ERG: variants seen among roughly 807,000 people sequenced by gnomAD.
The protein encoded by ERG is transcriptional regulator ERG.
ERG carries 9 observed loss-of-function variants against 55.3 expected under a neutral mutation model. The observed-to-expected ratio is 0.16, with a 90% CI of 0.10 to 0.28. The LOEUF is 0.28. Among genes scored for constraint, ERG ranks in the 10% least tolerant of loss-of-function variants. The pLI is 1.00. For synonymous variants in ERG, 223 were observed against 237.3 expected (o/e 0.94, Z 0.55); for missense variants, 434 against 631.6 (o/e 0.69, Z 3.35).
At chr21:38,406,377 T>G (rs2146463409) in intron 3 of ERG, among the ~76,000 whole-genome samples, 1 of 152,332 alleles carries the variant, frequency 6.6e-6, no homozygotes, top group South Asian at 2.1e-4. Flanking sequence ...GAAGTTCAGA[T>G]GACTCTTCGT....
At chr21:38,627,167 G>T (rs2060329984) in intron 1 of ERG, among the ~76,000 whole-genome samples, 1 of 151,980 alleles carries the variant, frequency 6.6e-6, no homozygotes, top group Admixed American at 6.6e-5. Context: ...AATATTTCAT[G>T]TCTAAAAATG....
At chr21:38,639,377 A>T (rs75709675) in intron 1 of ERG, among the ~76,000 whole-genome samples, 1 of 151,258 alleles carries the variant, frequency 6.6e-6, no homozygotes, top group Non-Finnish European at 1.5e-5. Context: ...AAAAAAAAAA[A>T]CTATCATTAA....
At chr21:38,575,711 A>T (rs770520811) in exon 2 of ERG, 1 of 1,614,078 alleles carries the variant, frequency 6.2e-7, no homozygotes, top group Non-Finnish European at 8.5e-7. Context: ...GTCCTTCAGT[A>T]AGCCAGCCCA....
intron 1 of ERG, among the ~76,000 whole-genome samples, chr21:38,579,508 C>A (rs2060014889): frequency 6.6e-6 from 1 of 152,166 alleles, no homozygotes; most frequent in Non-Finnish European, 1.5e-5. Flanking sequence ...AGAGCTGATT[C>A]ATGCAGAGAC....
At chr21:38,519,897 T>C (rs545361548) in intron 2 of ERG, among the ~76,000 whole-genome samples, 1 of 152,224 alleles carries the variant, frequency 6.6e-6, no homozygotes, top group African/African-American at 2.4e-5. Context: ...AGAAGCCCTT[T>C]GCCATCTGAT....
intron 3 of ERG, among the ~76,000 whole-genome samples, chr21:38,420,998 C>A (rs528583740): frequency 6.6e-6 from 1 of 152,050 alleles, no homozygotes; most frequent in Non-Finnish European, 1.5e-5. Flanking sequence ...TTGTTCATGC[C>A]CAGAGAGTGT....
chr21:38,511,041 CT>C (rs2059507534), intron 2 of ERG, among the ~76,000 whole-genome samples: 1 of 152,178 alleles, frequency 6.6e-6, no homozygotes, highest in African/African-American at 2.4e-5. Context: ...GATTATTAGA[CT>C]GCTTGTAAAT....
intron 1 of ERG, among the ~76,000 whole-genome samples, chr21:38,478,532 A>G (rs971809031): frequency 6.6e-6 from 1 of 152,160 alleles, no homozygotes; most frequent in Non-Finnish European, 1.5e-5. Context: ...TCCTGTGTGC[A>G]TTGGACGTAG....
At chr21:38,656,265 A>G (rs2060518476) in intron 1 of ERG, among the ~76,000 whole-genome samples, 1 of 152,188 alleles carries the variant, frequency 6.6e-6, no homozygotes, top group Non-Finnish European at 1.5e-5. Context: ...GGCCATCGAG[A>G]CATCAAGGGC....
At chr21:38,575,408 T>C (rs1427840161) in intron 2 of ERG, among the ~76,000 whole-genome samples, 2 of 152,214 alleles carry the variant, frequency 1.3e-5, no homozygotes, top group African/African-American at 4.8e-5. Context: ...ACAGATGATA[T>C]AGAAATGAAT....
chr21:38,580,537 T>A (rs2060022446), intron 1 of ERG, among the ~76,000 whole-genome samples: 1 of 152,236 alleles, frequency 6.6e-6, no homozygotes, highest in African/African-American at 2.4e-5. Flanking sequence ...ATTTCTTTAA[T>A]ACTTGTTTCT....
At chr21:38,650,803 C>T (rs1032205928) in intron 1 of ERG, among the ~76,000 whole-genome samples, 1 of 152,154 alleles carries the variant, frequency 6.6e-6, no homozygotes, top group African/African-American at 2.4e-5. Flanking sequence ...GTATCACAAA[C>T]GAAGGGAAAA....
At chr21:38,504,646 T>G (rs930370308) in intron 2 of ERG, among the ~76,000 whole-genome samples, 4 of 152,224 alleles carry the variant, frequency 2.6e-5, no homozygotes, top group African/African-American at 9.6e-5. Context: ...CCATAAGGCT[T>G]CGTATGCCCA....
chr21:38,586,028 A>C (rs555521786), upstream of ERG, among the ~76,000 whole-genome samples: 3 of 152,178 alleles, frequency 2.0e-5, no homozygotes, highest in African/African-American at 7.2e-5. Flanking sequence ...AAAAGTTATC[A>C]AAATGGTTAA....
At position 38,427,391 on chromosome 21, in the gene ERG, A is replaced by G. The variant is rs532768381; in HGVS notation, c.237-3830T>C. ...CACCCAGGTTTCTCTTGCAAATTTT[A>G]ACAGCAAAAGAGTAGCCTTAACATG... On this transcript the variant is annotated intron_variant, in intron 2 of 9. Transcript: ENST00000288319. Among the ~76,000 whole-genome samples, 17 of 152,334 alleles carry G rather than the reference A, an allele frequency of 1.1e-4. No homozygotes were observed. The South Asian group carries it at 3.5e-3, about 32-fold the overall frequency.
At chr21:38,597,202 C>A (rs1018685782) in intron 1 of ERG, among the ~76,000 whole-genome samples, 1 of 152,098 alleles carries the variant, frequency 6.6e-6, no homozygotes, top group African/African-American at 2.4e-5. Context: ...ATCTATCATC[C>A]ATCTGAATCT....
intron 2 of ERG, among the ~76,000 whole-genome samples, chr21:38,571,720 C>T (rs918904976): frequency 2.6e-5 from 4 of 152,050 alleles, no homozygotes; most frequent in African/African-American, 9.7e-5. Flanking sequence ...ATTTTATATT[C>T]CATAGTTTTC....
chr21:38,561,316 T>C (rs747276179), intron 2 of ERG, among the ~76,000 whole-genome samples: 7 of 152,230 alleles, frequency 4.6e-5, no homozygotes, highest in Non-Finnish European at 1.0e-4. Flanking sequence ...TTGTCTATTT[T>C]ATATATAATT....
intron 1 of ERG, among the ~76,000 whole-genome samples, chr21:38,458,359 G>A (rs2059009263): frequency 6.6e-6 from 1 of 151,404 alleles, no homozygotes. Context: ...GGGAGGTGGA[G>A]GTTGCAGTGA....
Sources: allele counts gnomAD v4.1 joint callset (sites outside exome capture counted in the v4.1 genomes callset), GRCh38; gene constraint gnomAD v4.1.1; transcripts MANE v1.5; gene names NCBI Gene and HGNC (gene_info 2026-07-23, HGNC 2026-07-21).